Variants in PDZD7 observed in about 807,000 individuals in gnomAD.
PDZD7 encodes PDZ domain containing 7.
Under a neutral mutation model 84.7 loss-of-function variants are expected in PDZD7, and 72 were observed. That is an observed-to-expected ratio of 0.85 (90% confidence interval 0.70 to 1.03). PDZD7 has a LOEUF of 1.03. Among genes scored for constraint, PDZD7 ranks in the 50% least tolerant of loss-of-function variants. The pLI is 0.00. For synonymous variants in PDZD7, 594 were observed against 580.7 expected (o/e 1.02, Z -0.33); for missense variants, 1,490 against 1,412.9 (o/e 1.05, Z -0.87).
At chr10:101,020,168 T>C (rs1469426843) in intron 7 of PDZD7, among the ~76,000 whole-genome samples, 1 of 152,104 alleles carries the variant, frequency 6.6e-6, no homozygotes, top group Non-Finnish European at 1.5e-5. Context: ...TGGAGTGCAA[T>C]GGCATCTCTG....
Position 101,022,068 on chromosome 10 carries a change from C to A in PDZD7, c.720-123G>T, listed in dbSNP as rs569822705. ...AGGTCCTTGACCCTCCTACTGGGGC[C>A]TCCCGCCCCCTCCCAGGCCCTCACT... On this transcript the variant is annotated intron_variant, in intron 5 of 16. Coordinates refer to ENST00000619208, the MANE Select transcript of PDZD7 (RefSeq NM_001195263.2). 201 of 1,547,718 alleles carry A rather than the reference C, an allele frequency of 1.3e-4. No homozygotes were observed. The African/African-American group carries it at 2.2e-3, about 17-fold the overall frequency.
In PDZD7 at chr10:101,020,669, G is replaced by C; in HGVS notation, c.877C>G (p.Arg293Gly). The part of the protein sequence containing the change: ...HIMLTIKETG[R>G]YPAYKEMVSE... Reference sequence around the variant, plus strand: ...ACCATCTCCTTGTAGGCAGGATACCGGCCGGTCTCCTGGGGAGGGGATGGT... The same window carrying C: ...ACCATCTCCTTGTAGGCAGGATACCCGCCGGTCTCCTGGGGAGGGGATGGT... The change falls in exon 7 of 17, where the codon CGG becomes GGG. Residue 293 changes from arginine (R) to glycine (G), a missense_variant. Physicochemically the swap from Arg to Gly is moderately radical, Grantham distance 125. Coordinates refer to ENST00000619208, the MANE Select transcript of PDZD7 (RefSeq NM_001195263.2). 1 of 1,613,890 alleles carries C rather than the reference G, an allele frequency of 6.2e-7. No individual in the cohort carries two copies. Among genetic ancestry groups the C allele is most frequent in the Non-Finnish European group, 8.5e-7 (1 of 1,179,814 alleles).
Position 101,019,381 on chromosome 10 carries a change from C to G in PDZD7, c.929-164G>C, listed in dbSNP as rs528446111. Among the ~76,000 whole-genome samples, 9 of 152,296 alleles carry G rather than the reference C, an allele frequency of 5.9e-5. No individual in the cohort carries two copies. In the East Asian group the frequency reaches 1.5e-3, roughly 26 times the overall value. On this transcript the variant is annotated intron_variant, in intron 7 of 16. Transcript: ENST00000619208. ...GCTGCTCCGAAATGCTGCCACTGAC[C>G]TAAGGCATGTCACTTCTCAAATCAC... is the stretch of plus-strand genomic sequence containing the variant.
chr10:101,022,579 A>G (rs1853178428), intron 4 of PDZD7, among the ~76,000 whole-genome samples, 194 bp from the exon 5 acceptor site: 4 of 150,230 alleles, frequency 2.7e-5, no homozygotes, highest in South Asian at 2.1e-4. Flanking sequence ...AGCAGCTGCA[A>G]TGTGCCAGGA....
rs561472174 is a variant in PDZD7 at position 101,021,938 on chromosome 10, G to T, written c.727C>A (p.His243Asn). ...CCATTCTCCTCGGCCAGCCCACCAT[G>T]GTCCACTCTGAGGCCAGACAGGCGT... Reference protein sequence around the residue: ...GLGIYVSKVDHGGLAEENGIK... With the variant: ...GLGIYVSKVDNGGLAEENGIK... The change falls in exon 6 of 17, where the codon CAT (histidine) becomes AAT (asparagine). Residue 243 changes from histidine to asparagine, a missense_variant. By Grantham distance (68) the His-to-Asn change is moderately conservative (BLOSUM62 1). Coordinates refer to ENST00000619208, the MANE Select transcript of PDZD7 (RefSeq NM_001195263.2). The T allele has an allele frequency of 6.2e-7, 1 of 1,614,092 alleles. No individual in the cohort carries two copies. The highest frequency in any genetic ancestry group is 8.5e-7 in the Non-Finnish European group (1 of 1,179,988).
At chr10:101,021,245 G>A (rs967739063) in intron 6 of PDZD7, among the ~76,000 whole-genome samples, 2 of 152,170 alleles carry the variant, frequency 1.3e-5, no homozygotes, top group African/African-American at 4.8e-5. Flanking sequence ...GAAGGCTTAG[G>A]GAAGCAGAAA....
intron 9 of PDZD7, among the ~76,000 whole-genome samples, chr10:101,016,995 AC>A (rs1852659588): frequency 6.6e-6 from 1 of 151,456 alleles, no homozygotes; most frequent in African/African-American, 2.4e-5. Flanking sequence ...TCCGACATCC[AC>A]CCCCCTCTTC....
rs1208115600 is a variant in PDZD7 at position 101,008,623 on chromosome 10, AGCATCAAGGGGTTGGTGG to A, written c.2928_2945del (p.His977_Ala982del). On this transcript the variant is annotated inframe_deletion, in exon 17 of 17. Coordinates refer to ENST00000619208, the MANE Select transcript of PDZD7 (RefSeq NM_001195263.2). ...GGAGCCAGTGGGCAGGAACTGGAGC[AGCATCAAGGGGTTGGTGG>A]GCAGGCAAGTGGTCAGCAGGAAGGC... The A allele has an allele frequency of 7.2e-5, 111 of 1,536,132 alleles. No individual in the cohort carries two copies. Among genetic ancestry groups the A allele is most frequent in the Non-Finnish European group, 9.0e-5 (103 of 1,146,882 alleles).
rs770825517 is a variant in PDZD7 at position 101,030,276 on chromosome 10, G to C, written c.-57C>G. On this transcript the variant is annotated 5_prime_UTR_variant, in exon 2 of 17. Coordinates refer to ENST00000619208, the MANE Select transcript of PDZD7 (RefSeq NM_001195263.2). The stretch of plus-strand genomic sequence containing the variant: ...CCAGAAGGAATCTGCTAGCTCTGGA[G>C]AGGCCAGCCCTGCGTGCTTCGAGCT... The C allele has an allele frequency of 3.9e-4, 565 of 1,465,378 alleles. 1 individual carries two copies. Among genetic ancestry groups the C allele is most frequent in the Non-Finnish European group, 4.7e-4 (504 of 1,077,464 alleles). The allele number at this position is 1,465,378 out of a possible 1,614,324, so 90.8% of individuals were successfully genotyped here.
chr10:101,010,617 G>A lies in PDZD7; in HGVS notation c.2272C>T (p.Arg758Ter), dbSNP rs771079550. ...ATCTGGCTCTGCGGAGGGTGCTCTC[G>A]GCTCAGGGGTTCTGTCAGCAGCCAG... ...PNWLLTEPLSREHPPQSQIRG... is the reference protein window; with the variant it reads ...PNWLLTEPLS Residue 758 changes from arginine to a stop codon, truncating the protein, a stop_gained, in exon 15 of 17, where the codon CGA becomes TGA. Coordinates refer to ENST00000619208, the MANE Select transcript of PDZD7 (RefSeq NM_001195263.2). LOFTEE classifies it high-confidence loss of function. 25 of 1,503,088 alleles carry A rather than the reference G, an allele frequency of 1.7e-5. No homozygotes were observed. Among genetic ancestry groups the A allele is most frequent in the Non-Finnish European group, 2.1e-5 (24 of 1,126,558 alleles). The allele number at this position is 1,503,088 out of a possible 1,614,324, so 93.1% of individuals were successfully genotyped here.
chr10:101,021,859 A>T lies in PDZD7; in HGVS notation c.806T>A (p.Ile269Asn). The stretch of plus-strand genomic sequence containing the variant: ...CACCTCCACGGCCTGGCTGTGGCTG[A>T]TGTCGTCAAACCTGACACCGTTGGC... ...LAANGVRFDD[I>N]SHSQAVEVLK... Residue 269 changes from isoleucine (I) to asparagine (N), a missense_variant, in exon 6 of 17, where the codon ATC becomes AAC. By Grantham distance (149) the Ile-to-Asn change is moderately radical (BLOSUM62 -3). Coordinates refer to ENST00000619208, the MANE Select transcript of PDZD7 (RefSeq NM_001195263.2). The T allele has an allele frequency of 6.2e-7, 1 of 1,614,036 alleles. No individual in the cohort carries two copies. Among genetic ancestry groups the T allele is most frequent in the Non-Finnish European group, 8.5e-7 (1 of 1,180,006 alleles).
At position 101,008,556 on chromosome 10, in the gene PDZD7, T is replaced by C; in HGVS notation, c.3013A>G (p.Arg1005Gly). The stretch of plus-strand genomic sequence containing the variant: ...GGGCTGGGAGTTGGCTGGAGGAGCC[T>C]GGCATCAGTGGGAGGAGTCTGGGGA... ...TNPQTPPTDA[R>G]LLQPTPSPAP... The change falls in exon 17 of 17, where the codon AGG (arginine) becomes GGG (glycine). Residue 1005 changes from arginine (R) to glycine (G), a missense_variant. Coordinates refer to ENST00000619208, the MANE Select transcript of PDZD7 (RefSeq NM_001195263.2). 1 of 1,535,410 alleles carries C rather than the reference T, an allele frequency of 6.5e-7. No individual in the cohort carries two copies. Among genetic ancestry groups the C allele is most frequent in the Non-Finnish European group, 8.7e-7 (1 of 1,146,720 alleles).
chr10:101,011,673 C>A lies in PDZD7; in HGVS notation c.2005+17G>T. On this transcript the variant is annotated intron_variant, in intron 14 of 16. Transcript: ENST00000619208. The stretch of plus-strand genomic sequence containing the variant: ...CCAGGGCTGTGCCCCTCCCTGGGCT[C>A]TGGGACTCTGACTGACCAGGCACGG... 6.5e-7 allele frequency: 1 copy of A among 1,537,076 alleles called. No individual in the cohort carries two copies. The highest frequency in any genetic ancestry group is 8.7e-7 in the Non-Finnish European group (1 of 1,146,748).
rs994624012 is a variant in PDZD7, at chr10:101,010,609, G to T, written c.2280C>A (p.His760Gln). 1 of 1,505,740 alleles carries T rather than the reference G, an allele frequency of 6.6e-7. No individual in the cohort carries two copies. The highest frequency in any genetic ancestry group is 1.4e-5 in the African/African-American group (1 of 72,430). The allele number at this position is 1,505,740 out of a possible 1,614,324, so 93.3% of individuals were successfully genotyped here. ...GGCCCCGGATCTGGCTCTGCGGAGG[G>T]TGCTCTCGGCTCAGGGGTTCTGTCA... ...WLLTEPLSRE[H>Q]PPQSQIRGRA... Residue 760 changes from histidine (H) to glutamine (Q), a missense_variant, in exon 15 of 17, where the codon CAC becomes CAA. Coordinates refer to ENST00000619208, the MANE Select transcript of PDZD7 (RefSeq NM_001195263.2).
At position 101,012,164 on chromosome 10, in the gene PDZD7, C is replaced by T; in HGVS notation, c.1841+3G>A. 6.4e-7 allele frequency: 1 copy of T among 1,550,490 alleles called. No homozygotes were observed. The highest frequency in any genetic ancestry group is 1.2e-5 in the South Asian group (1 of 84,064). Reference sequence around the variant, plus strand: ...CCAAGCCCTCTCTGCAACCTCCTCCCACCTGATGTCCTGCAGCAGTAGCAG... The same window carrying T: ...CCAAGCCCTCTCTGCAACCTCCTCCTACCTGATGTCCTGCAGCAGTAGCAG... On this transcript the variant is annotated splice_donor_region_variant and intron_variant, in intron 12 of 16. Transcript: ENST00000619208.
intron 9 of PDZD7, chr10:101,017,393 A>G (rs1852676937): frequency 4.8e-6 from 2 of 416,288 alleles, no homozygotes; most frequent in East Asian, 7.3e-5. Context: ...TTTTTCTTTT[A>G]CTTTTTTTTT....
At chr10:101,026,569 G>C (rs897999651) in intron 2 of PDZD7, among the ~76,000 whole-genome samples, 3 of 151,540 alleles carry the variant, frequency 2.0e-5, no homozygotes, top group East Asian at 1.9e-4. Context: ...TTACAGAAAA[G>C]CAAGAAGGCT....
rs560381273 is a variant in PDZD7 at position 101,008,257 on chromosome 10, C to T, written c.*210G>A. The T allele has an allele frequency of 1.8e-4, 105 of 585,790 alleles. No individual in the cohort carries two copies. The Admixed American group carries it at 1.9e-3, about 11-fold the overall frequency. The allele number at this position is 585,790 out of a possible 1,614,324, so 36.3% of individuals were successfully genotyped here. The stretch of plus-strand genomic sequence containing the variant: ...GAGCAGTGAGTGCAGGTGACACAGG[C>T]TGCCCACTAGCACCTTGTCCTTGGA... On this transcript the variant is annotated 3_prime_UTR_variant, in exon 17 of 17. Coordinates refer to ENST00000619208, the MANE Select transcript of PDZD7 (RefSeq NM_001195263.2).
Position 101,030,052 on chromosome 10 carries a change from G to C in PDZD7, c.168C>G (p.Arg56=), listed in dbSNP as rs143731734. ...CCATGGGCGATGAGGCTCGGATTCC[G>C]CGGGGGGGCCCGTTCAGCAGCCGTT... ...KQQRLLNGPP[R]GIRASSPMGR... The change falls in exon 2 of 17, where the codon CGC becomes CGG. Residue 56 remains arginine (R), a synonymous_variant. Transcript: ENST00000619208. 713 of 1,610,352 alleles carry C rather than the reference G, an allele frequency of 4.4e-4. 2 individuals carry two copies. In the African/African-American group the frequency reaches 8.5e-3, roughly 19 times the overall value.
Sources: gnomAD v4.1 joint callset for allele counts (sites outside exome capture counted in the v4.1 genomes callset) on GRCh38, gnomAD v4.1.1 for gene constraint, MANE v1.5 for transcripts, NCBI Gene and HGNC (gene_info 2026-07-23, HGNC 2026-07-21) for gene names.